The following RANBP2 variants were observed in gnomAD, a reference collection of about 807,000 sequenced individuals.
The protein encoded by RANBP2 is E3 SUMO-protein ligase RanBP2.
RANBP2 carries 57 observed loss-of-function variants against 303.6 expected under a neutral mutation model. The observed-to-expected ratio is 0.19, with a 90% CI of 0.15 to 0.23. RANBP2 has a LOEUF of 0.23. Ranked by LOEUF, RANBP2 falls within the 10% of genes least tolerant of loss-of-function variation. The pLI, the probability that RANBP2 is intolerant of heterozygous loss-of-function variation, is 1.00. For missense variants in RANBP2, 3,138 were observed against 3,780.8 expected (o/e 0.83, Z 4.46); for synonymous variants, 1,167 against 1,301.5 (o/e 0.90, Z 2.23).
At chr2:109,730,768 C>CAA in the RANBP2 span, among the ~76,000 whole-genome samples, 1 of 139,222 alleles carries the variant, frequency 7.2e-6, no homozygotes, top group African/African-American at 2.7e-5. Context: ...TCTGGGGTCT[C>CAA]TCTCTCTCTT....
At chr2:109,419,519 C>T in the RANBP2 span, 3 of 1,574,458 alleles carry the variant, frequency 1.9e-6, no homozygotes, top group Non-Finnish European at 2.6e-6. Context: ...TCACTCCTGT[C>T]CCCTCTTGTC....
the RANBP2 span, among the ~76,000 whole-genome samples, chr2:109,281,482 T>C: frequency 6.6e-6 from 1 of 152,202 alleles, no homozygotes; most frequent in African/African-American, 2.4e-5. Context: ...GCAGCTCTTC[T>C]GGTTCTGACT....
the RANBP2 span, chr2:109,665,123 C>G: frequency 6.6e-6 from 1 of 152,268 alleles, no homozygotes; most frequent in East Asian, 1.9e-4. Context: ...AGCTTGGGAA[C>G]AAATTGAAAT....
the RANBP2 span, among the ~76,000 whole-genome samples, chr2:109,131,601 C>T: frequency 6.6e-6 from 1 of 152,100 alleles, no homozygotes; most frequent in Admixed American, 6.5e-5. Context: ...TGTGTTTGAC[C>T]AGGAGGTTAG....
At chr2:109,685,500 T>G in the RANBP2 span, among the ~76,000 whole-genome samples, 3 of 152,226 alleles carry the variant, frequency 2.0e-5, no homozygotes, top group Non-Finnish European at 4.4e-5. Context: ...GTTTTGATCT[T>G]GACGCAAAAG....
At chr2:109,015,536 C>A in the RANBP2 span, among the ~76,000 whole-genome samples, 11 of 151,978 alleles carry the variant, frequency 7.2e-5, no homozygotes, top group Non-Finnish European at 1.0e-4. Flanking sequence ...GGTGGGTGGA[C>A]AATTTGAGGC....
chr2:108,725,836 G>C (rs575770872), intron 1 of RANBP2, among the ~76,000 whole-genome samples: 3 of 151,460 alleles, frequency 2.0e-5, no homozygotes, highest in African/African-American at 7.3e-5. Context: ...TTTTTGAGAC[G>C]GAGGCTTGCT....
the RANBP2 span, among the ~76,000 whole-genome samples, chr2:109,230,371 G>A: frequency 6.6e-6 from 1 of 152,042 alleles, no homozygotes; most frequent in African/African-American, 2.4e-5. Flanking sequence ...GAGGCCAGGA[G>A]TTTGAGACCA....
At chr2:109,765,333 T>G in the RANBP2 span, among the ~76,000 whole-genome samples, 155 of 149,584 alleles carry the variant, frequency 1.0e-3, 4 homozygotes, top group African/African-American at 3.7e-3. Flanking sequence ...GAAATAACGC[T>G]TATTACTATG....
chr2:108,949,483 C>T, the RANBP2 span, among the ~76,000 whole-genome samples: 9 of 152,172 alleles, frequency 5.9e-5, no homozygotes, highest in Middle Eastern at 3.2e-3. Context: ...TTGCCTACTG[C>T]GTCCCACAAC....
At chr2:108,738,894 A>T (rs826571) in intron 6 of RANBP2, among the ~76,000 whole-genome samples, 55,420 of 151,244 alleles carry the variant, frequency 0.37, 13,676 homozygotes, top group African/African-American at 0.71. Context: ...CCTCCCAAAG[A>T]GCTGGAATTA....
At chr2:109,632,879 C>T in the RANBP2 span, among the ~76,000 whole-genome samples, 298 of 152,086 alleles carry the variant, frequency 2.0e-3, 1 homozygote, top group African/African-American at 6.9e-3. Flanking sequence ...ATGAAACACA[C>T]ACTAATCATT....
At chr2:109,469,949 T>C in the RANBP2 span, among the ~76,000 whole-genome samples, 1 of 152,182 alleles carries the variant, frequency 6.6e-6, no homozygotes, top group Non-Finnish European at 1.5e-5. Context: ...TTCCAGGACA[T>C]GCGAGCTATA....
the RANBP2 span, among the ~76,000 whole-genome samples, chr2:109,642,647 C>A: frequency 7.3e-6 from 1 of 136,664 alleles, no homozygotes. Context: ...AGCAAGACTC[C>A]ATCTCAAATA....
chr2:109,227,546 C>T, the RANBP2 span, among the ~76,000 whole-genome samples: 1 of 152,188 alleles, frequency 6.6e-6, no homozygotes, highest in African/African-American at 2.4e-5. Flanking sequence ...CTGGGCCCTG[C>T]CCTTCATCCC....
chr2:109,030,369 C>G, the RANBP2 span, among the ~76,000 whole-genome samples: 5 of 152,158 alleles, frequency 3.3e-5, no homozygotes, highest in Non-Finnish European at 7.3e-5. Context: ...GTGAATTTCA[C>G]GTAAGTAAAG....
chr2:108,950,722 T>C, the RANBP2 span, among the ~76,000 whole-genome samples: 1 of 152,180 alleles, frequency 6.6e-6, no homozygotes, highest in South Asian at 2.1e-4. Context: ...TGAGTCCAGT[T>C]CTCCGGGAAT....
At chr2:109,674,570 G>A in the RANBP2 span, among the ~76,000 whole-genome samples, 5 of 151,768 alleles carry the variant, frequency 3.3e-5, no homozygotes, top group African/African-American at 1.2e-4. Flanking sequence ...GCGACAGAAT[G>A]AGACCCCATG....
chr2:109,320,419 C>T, the RANBP2 span, among the ~76,000 whole-genome samples: 1 of 152,186 alleles, frequency 6.6e-6, no homozygotes, highest in Non-Finnish European at 1.5e-5. Context: ...ATCCTTCCTG[C>T]TGGAACCACC....
Sources: allele counts gnomAD v4.1 joint callset (sites outside exome capture counted in the v4.1 genomes callset), GRCh38; gene constraint gnomAD v4.1.1; transcripts MANE v1.5; gene names NCBI Gene and HGNC (gene_info 2026-07-23, HGNC 2026-07-21).